Variants in PITPNM1 observed in about 807,000 individuals in gnomAD.
PITPNM1 encodes the protein membrane-associated phosphatidylinositol transfer protein 1.
A neutral mutation model predicts 133.3 loss-of-function variants in PITPNM1; 74 were observed. The ratio of observed to expected loss-of-function variants is 0.56; its 90% CI spans 0.46 to 0.67. The LOEUF (loss-of-function observed/expected upper bound fraction) is 0.67. Ranked by LOEUF, PITPNM1 falls within the 30% of genes least tolerant of loss-of-function variation. The pLI, the probability that PITPNM1 is intolerant of heterozygous loss-of-function variation, is 0.00. For missense variants in PITPNM1, 1,398 were observed against 1,739.5 expected, an observed-to-expected ratio of 0.80 and a Z score of 3.49; for synonymous variants, 738 against 741.4, an observed-to-expected ratio of 1.00 and a Z score of 0.08.
Position 67,502,095 on chromosome 11 carries a change from G to A in PITPNM1, c.416-9C>T, listed in dbSNP as rs1866338539. 1 of 1,608,652 alleles carries A rather than the reference G, an allele frequency of 6.2e-7. No individual in the cohort carries two copies. Among genetic ancestry groups the A allele is most frequent in the East Asian group, 2.2e-5 (1 of 44,772 alleles). ...CACGATGTCGATGGTGTCTGAGGGA[G>A]TTCGGCAAGCATTGAGCAGCGCCAG... On this transcript the variant is annotated splice_polypyrimidine_tract_variant and intron_variant, in intron 4 of 23. Coordinates refer to ENST00000356404, the MANE Select transcript of PITPNM1 (RefSeq NM_004910.3). The surrounding 1 kb of genome is among the most constrained non-coding windows in gnomAD (Gnocchi z 5.9).
chr11:67,495,481 CG>C lies in PITPNM1; in HGVS notation c.2438del (p.Pro813ArgfsTer66), dbSNP rs1565189783. On this transcript the variant is annotated frameshift_variant, in exon 16 of 24. Transcript: ENST00000356404. LOFTEE classifies it high-confidence loss of function. ...TGGTGCTGGGGGCGGCTGGCTGGGC[CG>C]GGGGGTCAGTGGCCAACTCACTGCC... ...WKGSELATDP[P>X]AQPAAPSTTS... 7.7e-6 allele frequency: 12 copies of C among 1,560,268 alleles called. No homozygotes were observed. In the Admixed American group the frequency reaches 8.0e-5, roughly 10 times the overall value.
chr11:67,494,102 G>C, intron 19 of PITPNM1, 32 bp from the exon 20 acceptor site: 1 of 1,598,172 alleles, frequency 6.3e-7, no homozygotes, highest in Non-Finnish European at 8.5e-7. Flanking sequence ...AGGTAAATGG[G>C]GGCCCTGCGT....
intron 23 of PITPNM1, 60 bp downstream of exon 23, chr11:67,492,874 T>C: frequency 3.2e-6 from 5 of 1,576,948 alleles, no homozygotes; most frequent in Non-Finnish European, 4.3e-6. Context: ...TCCCAAGGCC[T>C]GGGACTGAGG....
chr11:67,494,285 T>G lies in PITPNM1; in HGVS notation c.2818A>C (p.Met940Leu). ...GTGACGACGTCCAGGGGCCCGTACA[T>G]GAAGCGCCCGCTTAGCACCTGGGGG... ...GRPQVLSGRF[M>L]YGPLDVVTLT... The change falls in exon 19 of 24, where the codon ATG becomes CTG. Residue 940 changes from methionine to leucine, a missense_variant. Physicochemically the swap from Met to Leu is conservative, Grantham distance 15. Around this residue, in one of 5 missense-constraint regions of PITPNM1, gnomAD observed 233 missense variants for 378.0 expected, o/e 0.62. Transcript: ENST00000356404. 6.2e-7 allele frequency: 1 copy of G among 1,612,476 alleles called. No homozygotes were observed. Among genetic ancestry groups the G allele is most frequent in the Non-Finnish European group, 8.5e-7 (1 of 1,179,802 alleles).
chr11:67,503,022 C>G (rs189612397), intron 2 of PITPNM1, among the ~76,000 whole-genome samples: 1 of 152,172 alleles, frequency 6.6e-6, no homozygotes, highest in African/African-American at 2.4e-5. Flanking sequence ...AACAAAGATC[C>G]CTGCCCTCGT....
rs778538290 is a variant in PITPNM1 at position 67,502,744 on chromosome 11, G to C, written c.79-26C>G. 2.5e-6 allele frequency: 4 copies of C among 1,600,750 alleles called. No individual in the cohort carries two copies. Among genetic ancestry groups the C allele is most frequent in the Non-Finnish European group, 2.6e-6 (3 of 1,169,862 alleles). ...CTGTGGCCCAAGGGAGAGCAGGACA[G>C]GGAGCTCAGCCCCAGCTTAGCATCT... On this transcript the variant is annotated intron_variant, in intron 2 of 23. Transcript: ENST00000356404. This position sits in a 1 kb window ranked among gnomAD's most constrained non-coding sequence, Gnocchi z 5.9.
rs751769016 is a variant in PITPNM1, at chr11:67,498,615, C to T, written c.1465G>A (p.Ala489Thr). ...TAGTACTTGGAGACAAGGGCATAGG[C>T]GGCGGCGCAGATGGGTGGACAGGGC... is the stretch of plus-strand genomic sequence containing the variant. ...LVPCPPICAA[A>T]YALVSNLSPY... The change falls in exon 10 of 24, where the codon GCC becomes ACC. Residue 489 changes from alanine to threonine, a missense_variant. This residue lies in a region of PITPNM1 where 574 missense variants were observed against 698.7 expected (regional missense o/e 0.82). Coordinates refer to ENST00000356404, the MANE Select transcript of PITPNM1 (RefSeq NM_004910.3). This position sits in a 1 kb window ranked among gnomAD's most constrained non-coding sequence, Gnocchi z 5.7. 9.4e-6 allele frequency: 15 copies of T among 1,597,650 alleles called. No individual in the cohort carries two copies. The highest frequency in any genetic ancestry group is 2.2e-5 in the East Asian group (1 of 44,862).
Position 67,493,174 on chromosome 11 carries a change from C to T in PITPNM1, c.3343-112G>A, listed in dbSNP as rs749627891. 997 of 1,336,402 alleles carry T rather than the reference C, an allele frequency of 7.5e-4. 2 individuals carry two copies. The highest frequency in any genetic ancestry group is 9.8e-4 in the Non-Finnish European group (926 of 948,286). The allele number at this position is 1,336,402 out of a possible 1,614,324, so 82.8% of individuals were successfully genotyped here. A position where few individuals can be genotyped will look rare whatever the true frequency, so the allele number is the denominator to read the frequency against. On this transcript the variant is annotated intron_variant, in intron 22 of 23. Transcript: ENST00000356404. ...GGGGGTGGGTCCAGGCAGACGGAGG[C>T]GAAGACAGGTCCCAGTCCCACGGGG...
intron 8 of PITPNM1, 96 bp from the exon 9 acceptor site, chr11:67,499,097 G>GC: frequency 1.4e-5 from 17 of 1,229,440 alleles, no homozygotes; most frequent in Non-Finnish European, 1.8e-5. Context: ...TCTGCCTGAG[G>GC]CCCCCAGTCC....
chr11:67,503,759 A>C, intron 2 of PITPNM1: 1 of 222,798 alleles, frequency 4.5e-6, no homozygotes, highest in Non-Finnish European at 9.0e-6. Flanking sequence ...ACCTCCAGGG[A>C]TGGCCAGGAC....
chr11:67,496,274 C>T lies in PITPNM1; in HGVS notation c.2221G>A (p.Glu741Lys), dbSNP rs756642595. 12 of 1,564,974 alleles carry T rather than the reference C, an allele frequency of 7.7e-6. No individual in the cohort carries two copies. Among genetic ancestry groups the T allele is most frequent in the Admixed American group, 2.0e-5 (1 of 49,256 alleles). Residue 741 changes from glutamate (E) to lysine (K), a missense_variant, in exon 15 of 24, where the codon GAG becomes AAG. Coordinates refer to ENST00000356404, the MANE Select transcript of PITPNM1 (RefSeq NM_004910.3). ...HAADPCASRLEPLLAPKFQAI... is the reference protein window; with the variant it reads ...HAADPCASRLKPLLAPKFQAI... Reference sequence around the variant, plus strand: ...TGGAACTTCGGGGCCAGCAGGGGCTCGAGGCGTGAGGCGCAGGGGTCAGCC... The same window carrying T: ...TGGAACTTCGGGGCCAGCAGGGGCTTGAGGCGTGAGGCGCAGGGGTCAGCC...
At chr11:67,496,080 T>G (rs1591056446) in intron 15 of PITPNM1, 98 bp downstream of exon 15, 3 of 1,182,680 alleles carry the variant, frequency 2.5e-6, no homozygotes, top group Admixed American at 3.9e-5. Flanking sequence ...GCCTGAGAGG[T>G]TTTCCATCGT....
rs1014266029 is a variant in PITPNM1, at chr11:67,493,603, G to T, written c.3159-10C>A. The stretch of plus-strand genomic sequence containing the variant: ...GGAGTCCTGCCAGTGCCTGTGGGGC[G>T]GGGGCAGCGGTCAGCTCCGCTGGCC... On this transcript the variant is annotated splice_polypyrimidine_tract_variant and intron_variant, in intron 21 of 23. Transcript: ENST00000356404. The T allele has an allele frequency of 1.3e-6, 2 of 1,544,866 alleles. No homozygotes were observed. The highest frequency in any genetic ancestry group is 1.7e-6 in the Non-Finnish European group (2 of 1,143,898).
At position 67,493,800 on chromosome 11, in the gene PITPNM1, CCA is replaced by C. The variant is rs1866014262; in HGVS notation, c.3044_3045del (p.Val1015GlyfsTer204). 6.5e-7 allele frequency: 1 copy of C among 1,550,010 alleles called. No homozygotes were observed. Among genetic ancestry groups the C allele is most frequent in the Non-Finnish European group, 8.7e-7 (1 of 1,147,796 alleles). On this transcript the variant is annotated frameshift_variant, in exon 21 of 24. Transcript: ENST00000356404. LOFTEE classifies it high-confidence loss of function. ...ACCACAGCCTCCGTGCCGCGGGCCA[CCA>C]CAGTCAGGCAGCATTCGGCATAGGT... ...DHTYAECCLT[V>X]VARGTEAVVF...
At position 67,495,483 on chromosome 11, in the gene PITPNM1, G is replaced by C. The variant is rs1230637672; in HGVS notation, c.2437C>G (p.Pro813Ala). 1 of 1,562,682 alleles carries C rather than the reference G, an allele frequency of 6.4e-7. No homozygotes were observed. Among genetic ancestry groups the C allele is most frequent in the Non-Finnish European group, 8.7e-7 (1 of 1,155,650 alleles). The part of the protein sequence containing the change: ...WKGSELATDP[P>A]AQPAAPSTTS... The stretch of plus-strand genomic sequence containing the variant: ...GTGCTGGGGGCGGCTGGCTGGGCCG[G>C]GGGGTCAGTGGCCAACTCACTGCCC... The change falls in exon 16 of 24, where the codon CCG becomes GCG. Residue 813 changes from proline (P) to alanine (A), a missense_variant. Transcript: ENST00000356404.
chr11:67,505,597 A>G (rs547737938), upstream of PITPNM1, among the ~76,000 whole-genome samples: 53 of 152,260 alleles, frequency 3.5e-4, no homozygotes, highest in African/African-American at 1.2e-3. The surrounding 1 kb of genome is among the most constrained non-coding windows in gnomAD (Gnocchi z 5.8). Flanking sequence ...CTTAGTTCCT[A>G]TCTCCACCCT....
chr11:67,495,030 C>G (rs1179667496), intron 17 of PITPNM1, 47 bp downstream of exon 17: 4 of 1,609,248 alleles, frequency 2.5e-6, no homozygotes, highest in Non-Finnish European at 3.4e-6. Flanking sequence ...CCAAAGCAGC[C>G]CATCCCCGTC....
rs768342324 is a variant in PITPNM1, at chr11:67,498,290, A to G, written c.1517T>C (p.Leu506Pro). The stretch of plus-strand genomic sequence containing the variant: ...TGGAATGTGGTCTTGGGAGCGAGAC[A>G]GGCTGTCCCCATCGTGGCTGTAAGG... ...LSPYSHDGDS[L>P]SRSQDHIPLA... Residue 506 changes from leucine (L) to proline (P), a missense_variant, in exon 11 of 24, where the codon CTG becomes CCG. By Grantham distance (98) the Leu-to-Pro change is moderately conservative. This residue lies in a region of PITPNM1 where 574 missense variants were observed against 698.7 expected (regional missense o/e 0.82). Transcript: ENST00000356404. This position sits in a 1 kb window ranked among gnomAD's most constrained non-coding sequence, Gnocchi z 5.7. The G allele has an allele frequency of 6.3e-7, 1 of 1,599,752 alleles. No homozygotes were observed. The highest frequency in any genetic ancestry group is 1.3e-5 in the African/African-American group (1 of 74,888).
chr11:67,493,386 C>G, intron 22 of PITPNM1, 24 bp downstream of exon 22: 1 of 1,544,280 alleles, frequency 6.5e-7, no homozygotes, highest in Non-Finnish European at 8.8e-7. Context: ...GGTCAGGACC[C>G]GGAGCCTCCC....
Sources: allele counts gnomAD v4.1 joint callset (sites outside exome capture counted in the v4.1 genomes callset), GRCh38; gene constraint gnomAD v4.1.1; regional missense constraint gnomAD v4.1.1; non-coding constraint Gnocchi (gnomAD v3.1); transcripts MANE v1.5; gene names NCBI Gene and HGNC (gene_info 2026-07-23, HGNC 2026-07-21).